SLC2A14: variants seen among roughly 807,000 people sequenced by gnomAD.
SLC2A14 encodes solute carrier family 2, facilitated glucose transporter member 14.
Under a neutral mutation model 43.0 loss-of-function variants are expected in SLC2A14, and 13 were observed. The ratio of observed to expected loss-of-function variants is 0.30; its 90% CI spans 0.20 to 0.48. The LOEUF is 0.48. SLC2A14 is among the 20% of genes least tolerant of loss of function. SLC2A14 has a pLI of 0.99. For synonymous variants in SLC2A14, 190 were observed against 233.8 expected, an observed-to-expected ratio of 0.81 and a Z score of 1.71; for missense variants, 428 against 620.4, an observed-to-expected ratio of 0.69 and a Z score of 3.29.
In SLC2A14 at chr12:7,826,913, C is replaced by CT. The variant is rs776136385; in HGVS notation, c.864+581dup. 1.9e-4 allele frequency among the ~76,000 whole-genome samples: 21 copies of CT among 108,766 alleles called. 1 individual carries two copies. The highest frequency in any genetic ancestry group is 3.7e-4 in the Non-Finnish European group (19 of 51,788). 71.4% of individuals were successfully genotyped at this position (108,766 alleles called of 152,430 possible). On this transcript the variant is annotated intron_variant, in intron 7 of 10. Transcript: ENST00000431042. Reference sequence around the variant, plus strand: ...TCTTTCTTTCTTTCTTTCTTTCTTTCTTTTTCCTTTTTCTTTCCTTTCCTT... The same window carrying CT: ...TCTTTCTTTCTTTCTTTCTTTCTTTCTTTTTTCCTTTTTCTTTCCTTTCCTT...
upstream of SLC2A14, among the ~76,000 whole-genome samples, chr12:7,873,740 C>T (rs1487697757): frequency 6.6e-6 from 1 of 152,098 alleles, no homozygotes; most frequent in Non-Finnish European, 1.5e-5. Flanking sequence ...TCGTTCTCTC[C>T]ACCTCCTGGA....
chr12:7,873,390 C>T, upstream of SLC2A14: 1 of 983,172 alleles, frequency 1.0e-6, no homozygotes, highest in Non-Finnish European at 1.2e-6. Flanking sequence ...ACCTGTAATC[C>T]TAGCACTTTT....
intron 1 of SLC2A14, among the ~76,000 whole-genome samples, chr12:7,883,259 CTTTCTT>C (rs1412231368): frequency 9.9e-6 from 1 of 101,374 alleles, no homozygotes; most frequent in African/African-American, 3.4e-5. Context: ...CTTTTTCTTT[CTTTCTT>C]TTTTTTTTTT....
rs772239409 is a variant in SLC2A14, at chr12:7,826,869, C to CTT, written c.864+624_864+625dup. 2.1e-4 allele frequency among the ~76,000 whole-genome samples: 7 copies of CTT among 33,942 alleles called. 1 individual carries two copies. Among genetic ancestry groups the CTT allele is most frequent in the Non-Finnish European group, 2.9e-4 (5 of 17,218 alleles). The allele number at this position is 33,942 out of a possible 152,430, so 22.3% of individuals were successfully genotyped here. On this transcript the variant is annotated intron_variant, in intron 7 of 10. Transcript: ENST00000431042. ...TCCTTCCTTCCTTTCTTTTTTCTTT[C>CTT]TTTCTTTCTTTCTTTCTTTCTTTCT...
chr12:7,870,386 T>C (rs1945159510), intron 1 of SLC2A14, among the ~76,000 whole-genome samples: 1 of 152,150 alleles, frequency 6.6e-6, no homozygotes, highest in Non-Finnish European at 1.5e-5. Flanking sequence ...AGCATCACCT[T>C]AGCCTAAACT....
chr12:7,862,618 G>A (rs983488960), intron 2 of SLC2A14, among the ~76,000 whole-genome samples: 5 of 152,162 alleles, frequency 3.3e-5, no homozygotes, highest in African/African-American at 7.2e-5. Context: ...GCACCGGTGC[G>A]TGATCCACTA....
In SLC2A14 at chr12:7,834,530, C is replaced by CTT. The variant is rs71038782; in HGVS notation, c.19-1718_19-1717dup. Among the ~76,000 whole-genome samples, 162 of 113,232 alleles carry CTT rather than the reference C, an allele frequency of 1.4e-3. 2 individuals are homozygous for CTT. The highest frequency in any genetic ancestry group is 9.0e-3 in the Middle Eastern group (2 of 222). 74.3% of individuals were successfully genotyped at this position (113,232 alleles called of 152,430 possible). On this transcript the variant is annotated intron_variant, in intron 2 of 10. Transcript: ENST00000431042. The stretch of plus-strand genomic sequence containing the variant: ...ACACAGTGAGACCCCTTCTCTCTCT[C>CTT]TTTTTTTTTTTTTTTTGAGACCCCT...
At chr12:7,818,073 C>A in intron 9 of SLC2A14, 39 bp from the exon 10 acceptor site, 1 of 1,574,372 alleles carries the variant, frequency 6.4e-7, no homozygotes, top group Non-Finnish European at 8.6e-7. Flanking sequence ...AATTTAAAGA[C>A]AGTGTAACCC....
At chr12:7,874,723 T>A (rs1228615090), upstream of SLC2A14, among the ~76,000 whole-genome samples, 1 of 34,282 alleles carries the variant, frequency 2.9e-5, no homozygotes. Flanking sequence ...TATATAAATA[T>A]ATAAAAAATA....
chr12:7,886,061 T>A (rs1205884662), intron 1 of SLC2A14, among the ~76,000 whole-genome samples: 1 of 149,980 alleles, frequency 6.7e-6, no homozygotes, highest in Non-Finnish European at 1.5e-5. Context: ...CTCAGCTCAC[T>A]GCAACACCCA....
chr12:7,836,567 C>T (rs776042849), intron 2 of SLC2A14, among the ~76,000 whole-genome samples: 33 of 152,256 alleles, frequency 2.2e-4, no homozygotes, highest in African/African-American at 6.7e-4. Context: ...TGGTGGCTCA[C>T]ACCTGTAAGC....
rs759534719 is a variant in SLC2A14 at position 7,828,691 on chromosome 12, G to A, written c.676+13C>T. The stretch of plus-strand genomic sequence containing the variant: ...CCATATACTTTGTATACTAAAGAGT[G>A]AAAGATACTCACTCCGCGTAGCATT... On this transcript the variant is annotated intron_variant, in intron 6 of 10. Transcript: ENST00000431042. The A allele has an allele frequency of 1.9e-6, 3 of 1,613,660 alleles. No individual in the cohort carries two copies. Among genetic ancestry groups the A allele is most frequent in the African/African-American group, 1.3e-5 (1 of 74,922 alleles).
chr12:7,870,436 G>T (rs999666137), intron 1 of SLC2A14, among the ~76,000 whole-genome samples: 2 of 152,126 alleles, frequency 1.3e-5, no homozygotes, highest in South Asian at 4.2e-4. Flanking sequence ...TCGTGATTCT[G>T]CTTAACCAGT....
chr12:7,829,979 C>G lies in SLC2A14; in HGVS notation c.300G>C (p.Leu100=). ...TAAGGCAGCCACCAGTGGCAGCCAA[C>G]AGGTTGACAATCAGCATTGAATTGC... ...GRRNSMLIVN[L]LAATGGCLMG... Residue 100 remains leucine, a synonymous_variant, in exon 5 of 11, where the codon CTG becomes CTC. Transcript: ENST00000431042. The G allele has an allele frequency of 1.2e-6, 2 of 1,614,214 alleles. No individual in the cohort carries two copies. The highest frequency in any genetic ancestry group is 1.1e-5 in the South Asian group (1 of 91,090).
chr12:7,834,214 T>G (rs1865259072), intron 2 of SLC2A14, among the ~76,000 whole-genome samples: 1 of 151,878 alleles, frequency 6.6e-6, no homozygotes, highest in Admixed American at 6.6e-5. Context: ...GTCTCATAAC[T>G]TTCCATCCCT....
chr12:7,815,104 A>G (rs1863317935), intron 10 of SLC2A14, among the ~76,000 whole-genome samples: 1 of 149,868 alleles, frequency 6.7e-6, no homozygotes, highest in African/African-American at 2.4e-5. Context: ...GGCCTTGAGT[A>G]TTATTTTTAA....
intron 2 of SLC2A14, among the ~76,000 whole-genome samples, chr12:7,863,616 T>G (rs772046093): frequency 6.6e-6 from 1 of 151,632 alleles, no homozygotes; most frequent in Non-Finnish European, 1.5e-5. Flanking sequence ...AGTGACTCCA[T>G]CTTAAAAAAA....
chr12:7,865,637 T>G (rs909129799), intron 2 of SLC2A14, among the ~76,000 whole-genome samples: 2 of 152,152 alleles, frequency 1.3e-5, no homozygotes, highest in African/African-American at 4.8e-5. Flanking sequence ...TCCCCATTTC[T>G]CTCTCCTTCT....
intron 2 of SLC2A14, among the ~76,000 whole-genome samples, chr12:7,859,222 G>A (rs1352699753): frequency 1.3e-5 from 2 of 151,860 alleles, no homozygotes; most frequent in Non-Finnish European, 2.9e-5. Flanking sequence ...AACCCTGTCT[G>A]TACTAAAAAT....
Sources: allele counts gnomAD v4.1 joint callset (sites outside exome capture counted in the v4.1 genomes callset), GRCh38; gene constraint gnomAD v4.1.1; transcripts MANE v1.5; gene names NCBI Gene and HGNC (gene_info 2026-07-23, HGNC 2026-07-21).